The following MMP12 variants were observed in gnomAD, a reference collection of about 807,000 sequenced individuals.
MMP12 encodes matrix metallopeptidase 12.
In MMP12, 51 loss-of-function variants were observed where a neutral mutation model predicts 45.2. The observed-to-expected ratio is 1.13, with a 90% CI of 0.90 to 1.42. MMP12 has a LOEUF of 1.42. Ranked by LOEUF, MMP12 falls within the 40% of genes most tolerant of loss-of-function variation. MMP12 has a pLI of 0.00. For synonymous variants in MMP12, 210 were observed against 193.3 expected (o/e 1.09, Z -0.72); for missense variants, 530 against 570.8 (o/e 0.93, Z 0.73).
At chr11:102,870,719 C>A (rs1859477939) in intron 4 of MMP12, among the ~76,000 whole-genome samples, 1 of 152,124 alleles carries the variant, frequency 6.6e-6, no homozygotes, top group African/African-American at 2.4e-5. Flanking sequence ...ATGTAAATGC[C>A]CCCAAGGTAT....
At chr11:102,869,773 G>A (rs567935101) in intron 4 of MMP12, among the ~76,000 whole-genome samples, 6 of 151,910 alleles carry the variant, frequency 3.9e-5, no homozygotes, top group Admixed American at 2.6e-4. Context: ...AATTAGCAGG[G>A]CGTGGTGGCC....
At chr11:102,874,806 C>A in intron 1 of MMP12, 30 bp downstream of exon 1, 1 of 1,349,750 alleles carries the variant, frequency 7.4e-7, no homozygotes, top group Non-Finnish European at 1.0e-6. Flanking sequence ...AAACATCAAG[C>A]TCGATAAATA....
intron 5 of MMP12, 149 bp from the exon 6 acceptor site, chr11:102,867,542 G>GAATTCAACTCACCA: frequency 1.2e-6 from 1 of 869,524 alleles, no homozygotes; most frequent in Non-Finnish European, 1.7e-6. Flanking sequence ...GAAGTATAAA[G>GAATTCAACTCACCA]TAAGGTTTTT....
intron 1 of MMP12, among the ~76,000 whole-genome samples, 174 bp from the exon 2 acceptor site, chr11:102,873,286 A>G (rs889000892): frequency 6.6e-6 from 1 of 152,158 alleles, no homozygotes; most frequent in African/African-American, 2.4e-5. Flanking sequence ...AGGAAAAAAA[A>G]CCTTAATTTT....
chr11:102,873,158 A>G (rs782098687), intron 1 of MMP12, 46 bp from the exon 2 acceptor site: 3 of 1,565,756 alleles, frequency 1.9e-6, no homozygotes, highest in Non-Finnish European at 2.6e-6. Flanking sequence ...CACACAGAAA[A>G]TTTCTGTTGG....
At position 102,864,182 on chromosome 11, in the gene MMP12, C is replaced by T. The variant is rs781801309; in HGVS notation, c.1276G>A (p.Gly426Arg). Reference protein sequence around the residue: ...KLITKNFQGIGPKIDAVFYSK... With the variant: ...KLITKNFQGIRPKIDAVFYSK... ...TAGAAGACTGCATCAATTTTAGGCC[C>T]GATTCCTTGGAAGTTCTTGGTAATC... Residue 426 changes from glycine to arginine, a missense_variant, in exon 9 of 10, where the codon GGG becomes AGG. Gly to Arg is a moderately radical substitution (Grantham distance 125, BLOSUM62 -2). Coordinates refer to ENST00000571244, the MANE Select transcript of MMP12 (RefSeq NM_002426.6). 25 of 1,613,688 alleles carry T rather than the reference C, an allele frequency of 1.5e-5. No homozygotes were observed. Among genetic ancestry groups the T allele is most frequent in the African/African-American group, 4.0e-5 (3 of 75,034 alleles).
chr11:102,866,175 G>A, intron 7 of MMP12, 140 bp downstream of exon 7: 1 of 970,346 alleles, frequency 1.0e-6, no homozygotes, highest in South Asian at 1.9e-5. Context: ...GGCTATTTTA[G>A]TTTACACTTC....
chr11:102,865,393 C>T lies in MMP12; in HGVS notation c.1205+383G>A, dbSNP rs144523670. On this transcript the variant is annotated intron_variant, in intron 8 of 9. Coordinates refer to ENST00000571244, the MANE Select transcript of MMP12 (RefSeq NM_002426.6). This position sits in a 1 kb window ranked among gnomAD's most constrained non-coding sequence, Gnocchi z 4.1. The stretch of plus-strand genomic sequence containing the variant: ...CCTGTCATTTAGAGGATGGTTGTCT[C>T]ATTTTGTCTTTTGAATCCAGTGATT... Among the ~76,000 whole-genome samples the T allele has an allele frequency of 6.6e-6, 1 of 152,164 alleles. No individual in the cohort carries two copies. The highest frequency in any genetic ancestry group is 1.5e-5 in the Non-Finnish European group (1 of 68,020).
chr11:102,865,735 T>C lies in MMP12; in HGVS notation c.1205+41A>G. 1 of 1,551,096 alleles carries C rather than the reference T, an allele frequency of 6.4e-7. No individual in the cohort carries two copies. Among genetic ancestry groups the C allele is most frequent in the Non-Finnish European group, 8.8e-7 (1 of 1,142,836 alleles). Reference sequence around the variant, plus strand: ...TAGAAAGCCTCATTCCATATCTGTTTCACAATCTGAGGGGTCGAATGACCA... The same window carrying C: ...TAGAAAGCCTCATTCCATATCTGTTCCACAATCTGAGGGGTCGAATGACCA... On this transcript the variant is annotated intron_variant, in intron 8 of 9. Transcript: ENST00000571244. This position sits in a 1 kb window ranked among gnomAD's most constrained non-coding sequence, Gnocchi z 4.1.
chr11:102,864,828 T>C (rs1345570022), intron 8 of MMP12, among the ~76,000 whole-genome samples: 1 of 152,216 alleles, frequency 6.6e-6, no homozygotes, highest in Non-Finnish European at 1.5e-5. Context: ...AATCTAACTG[T>C]TATCTTGTGT....
chr11:102,874,769 T>A (rs1859563149), intron 1 of MMP12, 67 bp downstream of exon 1: 1 of 1,043,046 alleles, frequency 9.6e-7, no homozygotes, highest in Non-Finnish European at 1.4e-6. Flanking sequence ...ACAAACAAAC[T>A]GGTTAATGCA....
At chr11:102,870,183 A>C (rs1423154187) in intron 4 of MMP12, among the ~76,000 whole-genome samples, 1 of 152,206 alleles carries the variant, frequency 6.6e-6, no homozygotes, top group African/African-American at 2.4e-5. Flanking sequence ...TTACTCTTCT[A>C]AGGTCTATTA....
rs1555009865 is a variant in MMP12, at chr11:102,874,846, A to G, written c.92T>C (p.Leu31Pro). Residue 31 changes from leucine to proline, a missense_variant, in exon 1 of 10, where the codon CTA becomes CCA. By Grantham distance (98) the Leu-to-Pro change is moderately conservative (BLOSUM62 -3). Coordinates refer to ENST00000571244, the MANE Select transcript of MMP12 (RefSeq NM_002426.6). Reference sequence around the variant, plus strand: ...AGTGTCCATACTTACTTCACCAAATAGCACATTATTTTTTTCCAGGCTTGT... The same window carrying G: ...AGTGTCCATACTTACTTCACCAAATGGCACATTATTTTTTTCCAGGCTTGT... ...SSTSLEKNNV[L>P]FGERYLEKFY... The G allele has an allele frequency of 6.3e-7, 1 of 1,598,544 alleles. No homozygotes were observed. Among genetic ancestry groups the G allele is most frequent in the African/African-American group, 1.3e-5 (1 of 74,764 alleles).
At chr11:102,867,183 C>T in intron 6 of MMP12, 87 bp downstream of exon 6, 1 of 1,250,634 alleles carries the variant, frequency 8.0e-7, no homozygotes, top group African/African-American at 1.5e-5. Context: ...TCATCTACTT[C>T]ATTTTCAATT....
intron 4 of MMP12, among the ~76,000 whole-genome samples, chr11:102,870,642 T>C (rs1228322219): frequency 3.3e-5 from 5 of 152,170 alleles, no homozygotes; most frequent in Admixed American, 6.5e-5. Context: ...GTGATTCCTC[T>C]AAATAACAGG....
chr11:102,871,417 C>T (rs549624441), intron 4 of MMP12, among the ~76,000 whole-genome samples, 177 bp downstream of exon 4: 7 of 152,150 alleles, frequency 4.6e-5, no homozygotes, highest in East Asian at 1.9e-4. Context: ...GAGACCCATA[C>T]GAAGTGTTAA....
chr11:102,874,245 A>G (rs1242159422), intron 1 of MMP12, among the ~76,000 whole-genome samples: 1 of 152,054 alleles, frequency 6.6e-6, no homozygotes, highest in Admixed American at 6.5e-5. Context: ...AAAAATCCAT[A>G]AAGAATGCTA....
At chr11:102,864,381 G>A in intron 8 of MMP12, 129 bp from the exon 9 acceptor site, 1 of 644,742 alleles carries the variant, frequency 1.6e-6, no homozygotes, top group Non-Finnish European at 2.8e-6. Context: ...AAAAAACCAA[G>A]GACCTAAACA....
chr11:102,871,242 T>C (rs1048627397), intron 4 of MMP12, among the ~76,000 whole-genome samples: 24 of 151,930 alleles, frequency 1.6e-4, no homozygotes, highest in African/African-American at 5.8e-4. Flanking sequence ...AAAAAAAAAC[T>C]TACCACCTAA....
Sources: allele counts gnomAD v4.1 joint callset (sites outside exome capture counted in the v4.1 genomes callset), GRCh38; gene constraint gnomAD v4.1.1; non-coding constraint Gnocchi (gnomAD v3.1); transcripts MANE v1.5; gene names NCBI Gene and HGNC (gene_info 2026-07-23, HGNC 2026-07-21).